The following NDRG4 variants were observed in gnomAD, a reference collection of about 807,000 sequenced individuals.
NDRG4 encodes the protein NDRG family member 4.
Under a neutral mutation model 55.8 loss-of-function variants are expected in NDRG4, and 38 were observed. That is an observed-to-expected ratio of 0.68 (90% CI 0.53 to 0.89). The LOEUF (loss-of-function observed/expected upper bound fraction) is 0.89. Among genes scored for constraint, NDRG4 ranks in the 40% least tolerant of loss-of-function variants. NDRG4 has a pLI of 0.00. For missense variants in NDRG4, 455 were observed against 468.6 expected (o/e 0.97, Z 0.27); for synonymous variants, 190 against 182.7 (o/e 1.04, Z -0.32).
chr16:58,464,363 C>T lies in NDRG4; in HGVS notation c.-24+566C>T. ...TCCGCTCCGGGTCTCCCGCGCTCCT[C>T]TCCCCGGCTCGGCCGAGCGCGCTGC... On this transcript the variant is annotated intron_variant, in intron 1 of 15. Coordinates refer to the NDRG4 transcript ENST00000258187. The surrounding 1 kb of genome is among the most constrained non-coding windows in gnomAD (Gnocchi z 4.8). The T allele has an allele frequency of 7.5e-7, 1 of 1,335,452 alleles. No homozygotes were observed. Among genetic ancestry groups the T allele is most frequent in the Non-Finnish European group, 9.6e-7 (1 of 1,040,452 alleles). The allele number at this position is 1,335,452 out of a possible 1,614,324, so 82.7% of individuals were successfully genotyped here.
At chr16:58,469,584 A>T (rs2032373495) in intron 1 of NDRG4, among the ~76,000 whole-genome samples, 1 of 152,188 alleles carries the variant, frequency 6.6e-6, no homozygotes, top group African/African-American at 2.4e-5. Context: ...AAGCAAAAAA[A>T]ACCCAAAAAA....
chr16:58,502,169 G>C (rs1013979496), intron 1 of NDRG4: 4 of 385,558 alleles, frequency 1.0e-5, no homozygotes, highest in African/African-American at 6.2e-5. Flanking sequence ...CCCTTTCCTA[G>C]CCTCAATTTC....
chr16:58,472,632 AAG>A (rs1299821957), intron 1 of NDRG4, among the ~76,000 whole-genome samples: 1 of 152,110 alleles, frequency 6.6e-6, no homozygotes, highest in Non-Finnish European at 1.5e-5. Flanking sequence ...GACTGATACA[AAG>A]AGAGGAAGAT....
At chr16:58,480,918 A>C (rs1172746776) in intron 1 of NDRG4, among the ~76,000 whole-genome samples, 2 of 152,128 alleles carry the variant, frequency 1.3e-5, no homozygotes, top group African/African-American at 4.8e-5. Flanking sequence ...CTGAGGCACA[A>C]GAATTACTTG....
chr16:58,476,304 C>T (rs914647615), intron 1 of NDRG4, among the ~76,000 whole-genome samples: 1 of 152,190 alleles, frequency 6.6e-6, no homozygotes, highest in African/African-American at 2.4e-5. Context: ...TTCACTGGTT[C>T]CCTATAGAAG....
intron 1 of NDRG4, among the ~76,000 whole-genome samples, chr16:58,483,375 A>G (rs1567582062): frequency 1.3e-5 from 2 of 152,230 alleles, no homozygotes; most frequent in South Asian, 4.1e-4. Flanking sequence ...TTTAAAAAAA[A>G]AAGAAGAAGG....
At position 58,506,967 on chromosome 16, in the gene NDRG4, A is replaced by C; in HGVS notation, c.572A>C (p.Asn191Thr). The C allele has an allele frequency of 1.2e-6, 2 of 1,614,124 alleles. No homozygotes were observed. Among genetic ancestry groups the C allele is most frequent in the South Asian group, 1.1e-5 (1 of 91,064 alleles). ...CAGAGCTACCGGCAGCAGATTGGGA[A>C]CGTGGTGAACCAGGCCAACCTGCAG... ...LVQSYRQQIGNVVNQANLQLF... is the reference protein window; with the variant it reads ...LVQSYRQQIGTVVNQANLQLF... The change falls in exon 8 of 15, where the codon AAC (asparagine) becomes ACC (threonine). Residue 191 changes from asparagine to threonine, a missense_variant. Transcript: ENST00000570248.
intron 1 of NDRG4, among the ~76,000 whole-genome samples, chr16:58,475,193 A>T (rs1465878956): frequency 6.6e-6 from 1 of 152,246 alleles, no homozygotes; most frequent in Non-Finnish European, 1.5e-5. Context: ...TTGGGCAAAG[A>T]TACACAGCTG....
intron 1 of NDRG4, among the ~76,000 whole-genome samples, chr16:58,484,864 T>TAA (rs112858230): frequency 0.016 from 2,429 of 149,710 alleles, 56 homozygotes; most frequent in East Asian, 0.11. Context: ...CACAGCTTCT[T>TAA]AAAAAAAATC....
intron 5 of NDRG4, among the ~76,000 whole-genome samples, chr16:58,505,593 G>GT (rs2037831464): frequency 6.7e-6 from 1 of 150,148 alleles, no homozygotes; most frequent in African/African-American, 2.5e-5. Context: ...TGGTTATGCT[G>GT]TTTTTCTTTA....
Position 58,504,195 on chromosome 16 carries a change from CAGG to C in NDRG4, c.172_174del (p.Glu58del), listed in dbSNP as rs764848351. On this transcript the variant is annotated inframe_deletion, in exon 3 of 15. Transcript: ENST00000570248. ...CACCTTCTTCAACTTCGAGGACATG[CAGG>C]AGATCACCAAGCACTTTGTGGTGTG... The C allele has an allele frequency of 8.1e-6, 13 of 1,614,214 alleles. No individual in the cohort carries two copies. Among genetic ancestry groups the C allele is most frequent in the East Asian group, 2.2e-5 (1 of 44,886 alleles).
rs1301330572 is a variant in NDRG4, at chr16:58,509,091, C to T, written c.778-63C>T. 6.2e-6 allele frequency: 10 copies of T among 1,613,836 alleles called. No homozygotes were observed. The East Asian group carries it at 2.0e-4, about 32-fold the overall frequency. On this transcript the variant is annotated intron_variant, in intron 11 of 14. Coordinates refer to ENST00000570248, the MANE Select transcript of NDRG4 (RefSeq NM_001242835.2). ...GGAGGTGTTTTCCTGGGGTCCCAGC[C>T]AGGGTGGGAGCTTGTCCTGGAGTGA... is the stretch of plus-strand genomic sequence containing the variant.
Position 58,504,188 on chromosome 16 carries a change from G to A in NDRG4, c.162G>A (p.Glu54=). 6.2e-7 allele frequency: 1 copy of A among 1,614,186 alleles called. No homozygotes were observed. Among genetic ancestry groups the A allele is most frequent in the African/African-American group, 1.3e-5 (1 of 75,052 alleles). ...KLCFNTFFNF[E]DMQEITKHFV... ...GCTTCAACACCTTCTTCAACTTCGA[G>A]GACATGCAGGAGATCACCAAGCACT... The change falls in exon 3 of 15, where the codon GAG becomes GAA. Residue 54 remains glutamate (E), a synonymous_variant. Transcript: ENST00000570248.
At chr16:58,468,081 A>G (rs1362198084) in intron 1 of NDRG4, among the ~76,000 whole-genome samples, 1 of 152,224 alleles carries the variant, frequency 6.6e-6, no homozygotes, top group Non-Finnish European at 1.5e-5. Context: ...CCTTCCAGCC[A>G]GACACCCACA....
intron 13 of NDRG4, 111 bp downstream of exon 13, chr16:58,509,463 G>C: frequency 8.7e-7 from 1 of 1,146,030 alleles, no homozygotes; most frequent in African/African-American, 1.5e-5. Flanking sequence ...TGGTAGTAGG[G>C]AGCCCATAAG....
intron 1 of NDRG4, among the ~76,000 whole-genome samples, chr16:58,484,876 T>A (rs1387005220): frequency 8.7e-5 from 13 of 149,976 alleles, no homozygotes; most frequent in African/African-American, 2.5e-5. Context: ...AAAAAAATCA[T>A]AACTTACTTT....
At chr16:58,498,531 C>T (rs2036664766), upstream of NDRG4, among the ~76,000 whole-genome samples, 2 of 152,286 alleles carry the variant, frequency 1.3e-5, no homozygotes, top group African/African-American at 4.8e-5. Context: ...GGGTGAGTGG[C>T]GTGTTCCTTC....
At chr16:58,472,320 G>C (rs982310517) in intron 1 of NDRG4, 2 of 152,446 alleles carry the variant, frequency 1.3e-5, no homozygotes, top group Non-Finnish European at 2.9e-5. Flanking sequence ...AGGATGACCA[G>C]GGTGGCCTGG....
chr16:58,495,280 G>C (rs1190788046), upstream of NDRG4, among the ~76,000 whole-genome samples: 1 of 152,206 alleles, frequency 6.6e-6, no homozygotes, highest in African/African-American at 2.4e-5. Context: ...CTCTAAAATA[G>C]CTCCTGTTTC....
Sources: allele counts gnomAD v4.1 joint callset (sites outside exome capture counted in the v4.1 genomes callset), GRCh38; gene constraint gnomAD v4.1.1; non-coding constraint Gnocchi (gnomAD v3.1); transcripts MANE v1.5; gene names NCBI Gene and HGNC (gene_info 2026-07-23, HGNC 2026-07-21).